The following VWC2 variants were observed in gnomAD, a reference collection of about 807,000 sequenced individuals.
VWC2 encodes brorin.
A neutral mutation model predicts 29.8 loss-of-function variants in VWC2; 14 were observed. The ratio of observed to expected loss-of-function variants is 0.47; its 90% CI spans 0.31 to 0.74. The LOEUF is 0.74. VWC2 is among the 30% of genes least tolerant of loss of function. The pLI is 0.05. For missense variants in VWC2, 457 were observed against 459.8 expected (o/e 0.99, Z 0.05); for synonymous variants, 213 against 199.0 (o/e 1.07, Z -0.59).
chr7:49,916,604 T>C lies in VWC2; in HGVS notation c.*4419T>C, dbSNP rs1413642112. ...TCTATTATTTACAAATCCCTTTAGT[T>C]TGGGCTGTGAAATATTCAATTCCCA... On this transcript the variant is annotated 3_prime_UTR_variant, in exon 4 of 4. Transcript: ENST00000340652. 5 of 152,220 alleles carry C rather than the reference T, an allele frequency of 3.3e-5. No homozygotes were observed. The highest frequency in any genetic ancestry group is 1.2e-4 in the African/African-American group (5 of 41,456). 9.4% of individuals were successfully genotyped at this position (152,220 alleles called of 1,614,324 possible). A position where few individuals can be genotyped will look rare whatever the true frequency, so the allele number is the denominator to read the frequency against.
At chr7:49,876,919 C>T (rs1791436708) in intron 3 of VWC2, among the ~76,000 whole-genome samples, 1 of 151,906 alleles carries the variant, frequency 6.6e-6, no homozygotes, top group Non-Finnish European at 1.5e-5. Flanking sequence ...CCTTTTGATG[C>T]ACTCCTGTCA....
At chr7:49,826,165 A>G (rs1484409333) in intron 3 of VWC2, among the ~76,000 whole-genome samples, 1 of 152,140 alleles carries the variant, frequency 6.6e-6, no homozygotes, top group African/African-American at 2.4e-5. Context: ...GTGGCTTTCT[A>G]CCTTCCAATA....
At chr7:49,780,560 TG>T (rs1395423573) in intron 2 of VWC2, among the ~76,000 whole-genome samples, 1 of 152,240 alleles carries the variant, frequency 6.6e-6, no homozygotes, top group African/African-American at 2.4e-5. Context: ...ATGGAATTTT[TG>T]TGACTCTGAA....
intron 2 of VWC2, among the ~76,000 whole-genome samples, chr7:49,800,552 C>T (rs903388301): frequency 2.0e-5 from 3 of 152,058 alleles, no homozygotes; most frequent in African/African-American, 7.2e-5. Flanking sequence ...ATGGTGCTCC[C>T]CTCCCCTGGG....
chr7:49,903,912 C>T (rs984680330), intron 3 of VWC2, among the ~76,000 whole-genome samples: 3 of 152,080 alleles, frequency 2.0e-5, no homozygotes, highest in Non-Finnish European at 4.4e-5. Context: ...TTTTATATTC[C>T]GCCTTGAGGA....
intron 1 of VWC2, 28 bp from the exon 2 acceptor site, chr7:49,775,305 C>G: frequency 1.9e-6 from 1 of 527,624 alleles, no homozygotes. Flanking sequence ...GGCCGCGGGG[C>G]TCAGTTGTGC....
chr7:49,811,835 A>G (rs140961654), intron 3 of VWC2, among the ~76,000 whole-genome samples: 93 of 152,334 alleles, frequency 6.1e-4, no homozygotes, highest in African/African-American at 2.1e-3. Flanking sequence ...ATGAGAACAT[A>G]TTTCCACACA....
At chr7:49,904,820 C>T (rs1792998958) in intron 3 of VWC2, among the ~76,000 whole-genome samples, 1 of 150,236 alleles carries the variant, frequency 6.7e-6, no homozygotes, top group South Asian at 2.1e-4. Flanking sequence ...ACTGCAACCT[C>T]CTCTCCCCAG....
At chr7:49,891,607 TAAC>T (rs1046194110) in intron 3 of VWC2, among the ~76,000 whole-genome samples, 1 of 152,088 alleles carries the variant, frequency 6.6e-6, no homozygotes, top group African/African-American at 2.4e-5. Context: ...CGATAAAATA[TAAC>T]AATAAAAAAA....
chr7:49,905,603 T>C (rs1793042579), intron 3 of VWC2, among the ~76,000 whole-genome samples: 2 of 152,204 alleles, frequency 1.3e-5, no homozygotes, highest in Admixed American at 1.3e-4. Flanking sequence ...TACAATACAA[T>C]AGAAAACTCT....
intron 2 of VWC2, among the ~76,000 whole-genome samples, chr7:49,787,878 A>G (rs1183331239): frequency 6.6e-6 from 1 of 152,202 alleles, no homozygotes; most frequent in Non-Finnish European, 1.5e-5. Context: ...AAATCAGCTT[A>G]TCTTGCTTCT....
At chr7:49,790,704 G>T (rs1788446625) in intron 2 of VWC2, among the ~76,000 whole-genome samples, 1 of 151,740 alleles carries the variant, frequency 6.6e-6, no homozygotes, top group Admixed American at 6.6e-5. Context: ...GCCCTCAGGG[G>T]GTCGGGGACT....
rs542596350 is a variant in VWC2, at chr7:49,901,602, C to A, written c.827-10432C>A. Among the ~76,000 whole-genome samples, 7 of 151,744 alleles carry A rather than the reference C, an allele frequency of 4.6e-5. No homozygotes were observed. In the East Asian group the frequency reaches 1.2e-3, roughly 25 times the overall value. On this transcript the variant is annotated intron_variant, in intron 3 of 3. Transcript: ENST00000340652. ...TTTCAAGTTCATGGATAGAAAGACTCAACATTATCAAGATCTATTGTTGAG... is the reference window on the plus strand; with the variant it reads ...TTTCAAGTTCATGGATAGAAAGACTAAACATTATCAAGATCTATTGTTGAG...
At position 49,809,245 on chromosome 7, in the gene VWC2, A is replaced by G. The variant is rs1208185862; in HGVS notation, c.826+6405A>G. Among the ~76,000 whole-genome samples, 3 of 152,124 alleles carry G rather than the reference A, an allele frequency of 2.0e-5. No individual in the cohort carries two copies. The East Asian group carries it at 5.8e-4, about 29-fold the overall frequency. ...AAAATGATTACAAGGCAATACTATGAACAACTCTTTGCCAACAAATTAGAA... is the reference window on the plus strand; with the variant it reads ...AAAATGATTACAAGGCAATACTATGGACAACTCTTTGCCAACAAATTAGAA... On this transcript the variant is annotated intron_variant, in intron 3 of 3. Coordinates refer to ENST00000340652, the MANE Select transcript of VWC2 (RefSeq NM_198570.5).
chr7:49,799,766 T>G (rs773313647), intron 2 of VWC2, among the ~76,000 whole-genome samples: 4 of 152,256 alleles, frequency 2.6e-5, no homozygotes, highest in Non-Finnish European at 4.4e-5. Context: ...ATCTAGATGG[T>G]GTAGCCTATT....
At chr7:49,838,664 G>T (rs1311774539) in intron 3 of VWC2, among the ~76,000 whole-genome samples, 1 of 151,940 alleles carries the variant, frequency 6.6e-6, no homozygotes, top group Admixed American at 6.6e-5. Context: ...TTGAGGGAAG[G>T]ATTAACCAAC....
intron 2 of VWC2, among the ~76,000 whole-genome samples, chr7:49,790,533 G>T (rs1215718217): frequency 6.6e-6 from 1 of 152,196 alleles, no homozygotes; most frequent in Non-Finnish European, 1.5e-5. Context: ...TATAATCCTT[G>T]TGGTGGAGGC....
At chr7:49,894,088 G>A (rs767182601) in intron 3 of VWC2, among the ~76,000 whole-genome samples, 4 of 152,076 alleles carry the variant, frequency 2.6e-5, no homozygotes, top group African/African-American at 7.2e-5. Flanking sequence ...TATGTGTGTC[G>A]TTTCTAGGCT....
At chr7:49,842,785 C>T (rs982489330) in intron 3 of VWC2, among the ~76,000 whole-genome samples, 3 of 152,192 alleles carry the variant, frequency 2.0e-5, no homozygotes, top group African/African-American at 7.2e-5. Flanking sequence ...AGCTTTAATA[C>T]ATGTCATCTA....
Sources: allele counts gnomAD v4.1 joint callset (sites outside exome capture counted in the v4.1 genomes callset), GRCh38; gene constraint gnomAD v4.1.1; transcripts MANE v1.5; gene names NCBI Gene and HGNC (gene_info 2026-07-23, HGNC 2026-07-21).